The following FAT3 variants were observed in gnomAD, a reference collection of about 807,000 sequenced individuals.
FAT3 encodes the protein protocadherin Fat 3.
In FAT3, 95 loss-of-function variants were observed where a neutral mutation model predicts 310.2. That is an observed-to-expected ratio of 0.31 (90% CI 0.26 to 0.36). The LOEUF is 0.36. Among genes scored for constraint, FAT3 ranks in the 10% least tolerant of loss-of-function variants. FAT3 has a pLI of 1.00. For synonymous variants in FAT3, 2,314 were observed against 2,192.9 expected (o/e 1.06, Z -1.54); for missense variants, 5,408 against 5,715.6 (o/e 0.95, Z 1.74).
intron 3 of FAT3, among the ~76,000 whole-genome samples, chr11:92,595,909 G>T (rs942585973): frequency 1.1e-4 from 16 of 152,142 alleles, no homozygotes; most frequent in Non-Finnish European, 5.9e-5. Context: ...CCGGGTTCCT[G>T]GGACAGAAAG....
At chr11:92,724,207 A>T (rs1308730331) in intron 4 of FAT3, among the ~76,000 whole-genome samples, 1 of 152,156 alleles carries the variant, frequency 6.6e-6, no homozygotes, top group East Asian at 1.9e-4. Flanking sequence ...AGACCCACTC[A>T]CATGTCTGGC....
At chr11:92,824,340 G>C (rs185440328) in intron 13 of FAT3, among the ~76,000 whole-genome samples, 98 of 152,208 alleles carry the variant, frequency 6.4e-4, no homozygotes, top group Admixed American at 3.3e-3. Flanking sequence ...CTGGGTGACA[G>C]AGTGAGACTC....
At chr11:92,515,202 G>A (rs759547297) in intron 2 of FAT3, among the ~76,000 whole-genome samples, 10 of 152,144 alleles carry the variant, frequency 6.6e-5, no homozygotes, top group Non-Finnish European at 1.0e-4. Context: ...ATAGATGGAA[G>A]GAGACCCCTT....
intron 3 of FAT3, among the ~76,000 whole-genome samples, chr11:92,641,271 A>G (rs934492154): frequency 3.9e-5 from 6 of 152,194 alleles, no homozygotes; most frequent in African/African-American, 1.2e-4. Flanking sequence ...GATACATAAT[A>G]TGTATTTATA....
chr11:92,583,494 G>C (rs1938935577), intron 3 of FAT3, among the ~76,000 whole-genome samples: 2 of 151,972 alleles, frequency 1.3e-5, no homozygotes, highest in African/African-American at 4.8e-5. Flanking sequence ...GACATAATCT[G>C]TCTCCAGGAA....
At chr11:92,305,977 G>A (rs556506397) in intron 1 of FAT3, among the ~76,000 whole-genome samples, 17 of 152,228 alleles carry the variant, frequency 1.1e-4, no homozygotes, top group Non-Finnish European at 2.2e-4. Context: ...ATGTAGTTAC[G>A]TAAAATGTTA....
At chr11:92,679,546 G>A (rs926788588) in intron 3 of FAT3, among the ~76,000 whole-genome samples, 4 of 151,786 alleles carry the variant, frequency 2.6e-5, no homozygotes, top group African/African-American at 9.7e-5. Flanking sequence ...CTTCTTTGGT[G>A]ATTAATAATG....
chr11:92,268,457 T>A (rs1233649800), intron 1 of FAT3, among the ~76,000 whole-genome samples: 1 of 151,052 alleles, frequency 6.6e-6, no homozygotes, highest in Non-Finnish European at 1.5e-5. Context: ...TAACAGAAAT[T>A]GGTATAGATT....
At chr11:92,781,143 C>T (rs1455301033) in intron 7 of FAT3, among the ~76,000 whole-genome samples, 2 of 140,438 alleles carry the variant, frequency 1.4e-5, no homozygotes, top group Admixed American at 7.7e-5. Flanking sequence ...GGCACAATCT[C>T]GTCTCACTGC....
intron 2 of FAT3, among the ~76,000 whole-genome samples, chr11:92,458,251 C>A (rs900860747): frequency 1.3e-5 from 2 of 152,150 alleles, no homozygotes; most frequent in African/African-American, 4.8e-5. Flanking sequence ...GTGGGCAGAA[C>A]CATGCAGGGC....
At position 92,891,399 on chromosome 11, in the gene FAT3, A is replaced by G; in HGVS notation, c.*286A>G. On this transcript the variant is annotated 3_prime_UTR_variant, in exon 28 of 28. Coordinates refer to ENST00000525166, the MANE Select transcript of FAT3 (RefSeq NM_001367949.2). ...AGAGGGAAAAATTATTTCACCCACT[A>G]AGTTATACAGCCAGTCTTGTATGGC... 2 of 449,950 alleles carry G rather than the reference A, an allele frequency of 4.4e-6. No homozygotes were observed. The highest frequency in any genetic ancestry group is 8.2e-6 in the Non-Finnish European group (2 of 243,666). 27.9% of individuals were successfully genotyped at this position (449,950 alleles called of 1,614,324 possible).
At chr11:92,695,424 T>C (rs1270874333) in intron 3 of FAT3, among the ~76,000 whole-genome samples, 54 of 152,086 alleles carry the variant, frequency 3.6e-4, no homozygotes, top group Admixed American at 3.5e-3. Flanking sequence ...CTTTCCTCCT[T>C]AATCTCAGAC....
rs748309508 is a variant in FAT3, at chr11:92,798,443, G to A, written c.5430G>A (p.Leu1810=). 20 of 1,613,380 alleles carry A rather than the reference G, an allele frequency of 1.2e-5. No individual in the cohort carries two copies. In the Admixed American group the frequency reaches 3.3e-4, roughly 27 times the overall value. The change falls in exon 10 of 28, where the codon CTG becomes CTA. Residue 1810 remains leucine, a synonymous_variant. Coordinates refer to ENST00000525166, the MANE Select transcript of FAT3 (RefSeq NM_001367949.2). ...ATDADSNRNA[L]LVYQIVESTA... is the part of the protein sequence containing the mutation. ...ATGCTGACAGCAACCGGAATGCTCT[G>A]CTTGTGTATCAGATTGTGGAGTCAA...
rs747670434 is a variant in FAT3 at position 92,799,886 on chromosome 11, A to G, written c.6873A>G (p.Thr2291=). Residue 2291 remains threonine, a synonymous_variant, in exon 10 of 28, where the codon ACA becomes ACG. Coordinates refer to ENST00000525166, the MANE Select transcript of FAT3 (RefSeq NM_001367949.2). ...NDNPPIFDQP[T]YNTTLSEASL... ...ACCCCCCTATTTTCGATCAGCCTAC[A>G]TACAATACAACACTATCAGAAGCAT... 1.9e-6 allele frequency: 3 copies of G among 1,612,984 alleles called. No homozygotes were observed. In the Admixed American group the frequency reaches 5.0e-5, roughly 27 times the overall value.
intron 3 of FAT3, among the ~76,000 whole-genome samples, chr11:92,637,067 A>G (rs936630332): frequency 6.6e-6 from 1 of 152,188 alleles, no homozygotes; most frequent in Middle Eastern, 3.2e-3. Flanking sequence ...CCTTTAATGA[A>G]CAAATGTTCA....
intron 2 of FAT3, among the ~76,000 whole-genome samples, chr11:92,489,564 T>A (rs185869891): frequency 1.1e-3 from 161 of 152,240 alleles, no homozygotes; most frequent in African/African-American, 3.5e-3. Context: ...CATGGATAAT[T>A]GTACTTGGGT....
intron 2 of FAT3, among the ~76,000 whole-genome samples, chr11:92,443,954 G>T (rs1214914085): frequency 1.3e-5 from 2 of 152,168 alleles, no homozygotes; most frequent in Non-Finnish European, 2.9e-5. Flanking sequence ...CCCAGTGGGA[G>T]AACTGATATC....
chr11:92,747,933 C>CA (rs1945720558), intron 4 of FAT3, among the ~76,000 whole-genome samples: 1 of 152,200 alleles, frequency 6.6e-6, no homozygotes, highest in African/African-American at 2.4e-5. Context: ...CAAACTTTCC[C>CA]ACATTGTTCT....
At chr11:92,351,715 T>C (rs1473245866) in intron 1 of FAT3, among the ~76,000 whole-genome samples, 1 of 152,172 alleles carries the variant, frequency 6.6e-6, no homozygotes, top group Non-Finnish European at 1.5e-5. Context: ...TGTCTAAATG[T>C]TTCTATAGGA....
Sources: gnomAD v4.1 joint callset for allele counts (sites outside exome capture counted in the v4.1 genomes callset) on GRCh38, gnomAD v4.1.1 for gene constraint, MANE v1.5 for transcripts, NCBI Gene and HGNC (gene_info 2026-07-23, HGNC 2026-07-21) for gene names.